CSMD1: variants seen among roughly 807,000 people sequenced by gnomAD.
CSMD1 encodes the protein CUB and sushi domain-containing protein 1.
A neutral mutation model predicts 417.5 loss-of-function variants in CSMD1; 213 were observed. The observed-to-expected ratio is 0.51, with a 90% CI of 0.46 to 0.57. The LOEUF (loss-of-function observed/expected upper bound fraction) is 0.57. CSMD1 is among the 20% of genes least tolerant of loss of function. CSMD1 has a pLI of 0.00. For missense variants in CSMD1, 6,923 were observed against 4,529.7 expected (o/e 1.53, Z -15.17); for synonymous variants, 2,862 against 1,736.8 (o/e 1.65, Z -16.11).
At chr8:3,792,039 G>A (rs1285537651) in intron 5 of CSMD1, among the ~76,000 whole-genome samples, 1 of 151,966 alleles carries the variant, frequency 6.6e-6, no homozygotes, top group Non-Finnish European at 1.5e-5. Context: ...CAATTAACTT[G>A]GGCAACCTCA....
intron 3 of CSMD1, among the ~76,000 whole-genome samples, chr8:4,072,247 T>C (rs1052337711): frequency 1.3e-5 from 2 of 152,190 alleles, no homozygotes; most frequent in Admixed American, 1.3e-4. Flanking sequence ...AAGGGTTGAA[T>C]CCCATAGGAG....
chr8:3,830,192 A>T (rs1257294608), intron 5 of CSMD1, among the ~76,000 whole-genome samples: 1 of 152,184 alleles, frequency 6.6e-6, no homozygotes, highest in Non-Finnish European at 1.5e-5. Flanking sequence ...TATGAAGTGG[A>T]ACAAGGATTG....
At chr8:3,143,732 G>A (rs920142556) in intron 40 of CSMD1, among the ~76,000 whole-genome samples, 1 of 152,138 alleles carries the variant, frequency 6.6e-6, no homozygotes, top group Non-Finnish European at 1.5e-5. Context: ...TGGTTCTTCT[G>A]TTTTTGATAG....
intron 3 of CSMD1, among the ~76,000 whole-genome samples, chr8:4,177,579 C>G (rs1028819338): frequency 2.0e-5 from 3 of 151,532 alleles, no homozygotes; most frequent in Non-Finnish European, 4.4e-5. Context: ...TAACTAAAAT[C>G]AGAGCAGAAC....
rs373701985 is a variant in CSMD1, at chr8:3,791,282, T to G, written c.819-37240A>C. ...CAAAGCATGTATGATAAACTTGCTC[T>G]AATTAATGAACATAAATTTAGGTAT... On this transcript the variant is annotated intron_variant, in intron 5 of 69. Coordinates refer to ENST00000635120, the MANE Select transcript of CSMD1 (RefSeq NM_033225.6). Among the ~76,000 whole-genome samples the G allele has an allele frequency of 5.9e-5, 9 of 152,228 alleles. No individual in the cohort carries two copies. The South Asian group carries it at 1.9e-3, about 32-fold the overall frequency.
At chr8:3,585,480 C>T (rs1800560953) in intron 9 of CSMD1, among the ~76,000 whole-genome samples, 1 of 152,064 alleles carries the variant, frequency 6.6e-6, no homozygotes, top group Admixed American at 6.5e-5. Flanking sequence ...TTATTATTTT[C>T]ATTTTAAAAC....
intron 2 of CSMD1, among the ~76,000 whole-genome samples, chr8:4,578,591 C>T (rs569350815): frequency 6.0e-5 from 9 of 151,090 alleles, no homozygotes; most frequent in Middle Eastern, 3.4e-3. Flanking sequence ...CCAAGGTGGG[C>T]GGTTCACGAG....
At chr8:3,837,537 C>G (rs747373126) in intron 5 of CSMD1, among the ~76,000 whole-genome samples, 1 of 152,162 alleles carries the variant, frequency 6.6e-6, no homozygotes, top group Admixed American at 6.6e-5. Flanking sequence ...AAAAACAACA[C>G]AGCCCCCAAG....
At chr8:3,707,405 G>C (rs931261318) in intron 7 of CSMD1, among the ~76,000 whole-genome samples, 1 of 152,106 alleles carries the variant, frequency 6.6e-6, no homozygotes, top group African/African-American at 2.4e-5. Flanking sequence ...CCGGGGACAG[G>C]CGCACCCACA....
At chr8:4,179,680 C>A (rs557036739) in intron 3 of CSMD1, among the ~76,000 whole-genome samples, 1 of 152,204 alleles carries the variant, frequency 6.6e-6, no homozygotes, top group African/African-American at 2.4e-5. Context: ...ATCTACTCAT[C>A]TGACAAAGGG....
chr8:3,833,105 A>G (rs1014944297), intron 5 of CSMD1, among the ~76,000 whole-genome samples: 1 of 152,148 alleles, frequency 6.6e-6, no homozygotes, highest in Non-Finnish European at 1.5e-5. Context: ...TTCAAAAACA[A>G]CTTCCCACTA....
chr8:3,880,956 G>A (rs913812495), intron 5 of CSMD1, among the ~76,000 whole-genome samples: 1 of 152,046 alleles, frequency 6.6e-6, no homozygotes, highest in Non-Finnish European at 1.5e-5. Context: ...GTATAGAAAA[G>A]ACAACTGCAT....
At chr8:4,666,901 G>C (rs1804971401) in intron 1 of CSMD1, among the ~76,000 whole-genome samples, 1 of 151,754 alleles carries the variant, frequency 6.6e-6, no homozygotes, top group Non-Finnish European at 1.5e-5. Context: ...TGCTTTTTGT[G>C]TGTTACCTAA....
intron 3 of CSMD1, among the ~76,000 whole-genome samples, chr8:4,305,771 A>C (rs1241516942): frequency 6.6e-6 from 1 of 152,152 alleles, no homozygotes; most frequent in Non-Finnish European, 1.5e-5. Flanking sequence ...TGTATTTTAA[A>C]TTTCACTTCA....
intron 2 of CSMD1, among the ~76,000 whole-genome samples, chr8:4,506,342 G>C (rs74323941): frequency 3.3e-5 from 5 of 152,164 alleles, no homozygotes; most frequent in African/African-American, 9.6e-5. Context: ...CGGTGGGTTA[G>C]ACCGTAGCAC....
chr8:3,867,188 T>C (rs1585113480), intron 5 of CSMD1, among the ~76,000 whole-genome samples: 1 of 152,152 alleles, frequency 6.6e-6, no homozygotes, highest in African/African-American at 2.4e-5. Flanking sequence ...GTCTTGTCAA[T>C]TGTATATATA....
chr8:4,303,016 G>C (rs1221881087), intron 3 of CSMD1, among the ~76,000 whole-genome samples: 1 of 152,086 alleles, frequency 6.6e-6, no homozygotes, highest in Admixed American at 6.6e-5. Context: ...AAGAAAATCA[G>C]GAATGGCACT....
chr8:3,163,067 A>G (rs1166155770), intron 37 of CSMD1, among the ~76,000 whole-genome samples: 2 of 152,234 alleles, frequency 1.3e-5, no homozygotes, highest in African/African-American at 2.4e-5. Flanking sequence ...CAAAAGGTAC[A>G]AACTTTCCAT....
intron 26 of CSMD1, among the ~76,000 whole-genome samples, chr8:3,242,660 C>A (rs1229114593): frequency 6.6e-6 from 1 of 151,778 alleles, no homozygotes; most frequent in African/African-American, 2.4e-5. Context: ...TTTTTAAGAA[C>A]ACAGGCTAAG....
Sources: gnomAD v4.1 joint callset for allele counts (sites outside exome capture counted in the v4.1 genomes callset) on GRCh38, gnomAD v4.1.1 for gene constraint, MANE v1.5 for transcripts, NCBI Gene and HGNC (gene_info 2026-07-23, HGNC 2026-07-21) for gene names.